Variants in AUTS2 observed in about 807,000 individuals in gnomAD.
AUTS2 encodes the protein autism susceptibility gene 2 protein.
AUTS2 carries 17 observed loss-of-function variants against 112.4 expected under a neutral mutation model. That is an observed-to-expected ratio of 0.15 (90% confidence interval 0.10 to 0.23). The LOEUF is 0.23. AUTS2 is among the 10% of genes least tolerant of loss of function. The pLI, the probability that AUTS2 is intolerant of heterozygous loss-of-function variation, is 1.00. For missense variants in AUTS2, 1,510 were observed against 1,701.6 expected (o/e 0.89, Z 1.98); for synonymous variants, 751 against 702.7 (o/e 1.07, Z -1.09).
chr7:70,203,360 A>AAAG (rs1199877718), intron 4 of AUTS2, among the ~76,000 whole-genome samples: 1 of 148,560 alleles, frequency 6.7e-6, no homozygotes, highest in African/African-American at 2.5e-5. Context: ...AAAAAAAAAA[A>AAAG]AAGAAGTTTA....
intron 6 of AUTS2, among the ~76,000 whole-genome samples, chr7:70,735,775 G>A (rs1787746578): frequency 6.6e-6 from 1 of 152,152 alleles, no homozygotes; most frequent in Non-Finnish European, 1.5e-5. Context: ...AGCATTAACA[G>A]ACAGGCAATG....
At chr7:70,691,434 A>AC (rs941221546) in intron 5 of AUTS2, among the ~76,000 whole-genome samples, 4 of 150,788 alleles carry the variant, frequency 2.7e-5, no homozygotes, top group African/African-American at 9.7e-5. Flanking sequence ...AAAAAAAAAA[A>AC]CAATCTTCCT....
At chr7:70,731,628 A>G (rs1787402270) in intron 6 of AUTS2, among the ~76,000 whole-genome samples, 1 of 151,430 alleles carries the variant, frequency 6.6e-6, no homozygotes, top group African/African-American at 2.4e-5. Flanking sequence ...ACGGGGTTTC[A>G]CCATGTTAGC....
At position 70,790,711 on chromosome 7, in the gene AUTS2, G is replaced by A. The variant is rs964843078; in HGVS notation, c.3495G>A (p.Thr1165=). The change falls in exon 19 of 19, where the codon ACG becomes ACA. Residue 1165 remains threonine (T), a synonymous_variant. Coordinates refer to ENST00000342771, the MANE Select transcript of AUTS2 (RefSeq NM_015570.4). This position sits in a 1 kb window ranked among gnomAD's most constrained non-coding sequence, Gnocchi z 7.6. ...LHMLREDYEH[T]RLHSVHPASL... is the part of the protein sequence containing the mutation. ...TGCTCAGAGAAGACTACGAGCACAC[G>A]CGGCTCCACTCCGTGCACCCCGCCT... The A allele has an allele frequency of 5.1e-5, 82 of 1,613,466 alleles. No individual in the cohort carries two copies. The highest frequency in any genetic ancestry group is 6.7e-5 in the Non-Finnish European group (79 of 1,179,978).
At chr7:70,169,393 A>G (rs2129578501) in intron 4 of AUTS2, among the ~76,000 whole-genome samples, 1 of 152,116 alleles carries the variant, frequency 6.6e-6, no homozygotes, top group East Asian at 1.9e-4. Flanking sequence ...GACACGTGTC[A>G]CCACACCTAG....
intron 2 of AUTS2, among the ~76,000 whole-genome samples, chr7:69,920,955 C>G (rs1043025465): frequency 6.6e-6 from 1 of 152,116 alleles, no homozygotes; most frequent in Admixed American, 6.6e-5. Flanking sequence ...GTGAATGATA[C>G]GTGCTTAATT....
At chr7:70,411,420 A>G (rs1279540226) in intron 4 of AUTS2, among the ~76,000 whole-genome samples, 1 of 152,302 alleles carries the variant, frequency 6.6e-6, no homozygotes, top group Non-Finnish European at 1.5e-5. Flanking sequence ...CACAATTACT[A>G]CTAAATGAGA....
intron 5 of AUTS2, among the ~76,000 whole-genome samples, chr7:70,566,286 T>C (rs2189962): frequency 0.77 from 116,651 of 152,096 alleles, 45,187 homozygotes; most frequent in Middle Eastern, 0.8. Context: ...TTTAAAACAT[T>C]TACATTGTAT....
At chr7:70,446,289 G>T (rs1796315030) in intron 5 of AUTS2, among the ~76,000 whole-genome samples, 1 of 152,180 alleles carries the variant, frequency 6.6e-6, no homozygotes, top group South Asian at 2.1e-4. Context: ...TTATGTATTT[G>T]CCACTAAGGG....
intron 4 of AUTS2, among the ~76,000 whole-genome samples, chr7:70,319,693 C>T: frequency 6.6e-6 from 1 of 152,148 alleles, no homozygotes; most frequent in Non-Finnish European, 1.5e-5. Context: ...CCTCAGGGCT[C>T]AGAACATCCA....
At chr7:70,266,415 A>G (rs1248877193) in intron 4 of AUTS2, among the ~76,000 whole-genome samples, 2 of 152,174 alleles carry the variant, frequency 1.3e-5, no homozygotes, top group African/African-American at 4.8e-5. Flanking sequence ...TTTGGGGGTG[A>G]TGAAATGTTC....
intron 5 of AUTS2, among the ~76,000 whole-genome samples, chr7:70,597,942 T>G (rs796457081): frequency 1.3e-5 from 2 of 152,316 alleles, no homozygotes; most frequent in African/African-American, 4.8e-5. Context: ...ATATTGCAAG[T>G]GGGTTCAGGG....
chr7:70,241,220 A>G (rs1386793581), intron 4 of AUTS2, among the ~76,000 whole-genome samples: 2 of 152,226 alleles, frequency 1.3e-5, no homozygotes, highest in African/African-American at 4.8e-5. Context: ...TGTCATATTC[A>G]TTATGATTTG....
At chr7:70,444,371 TGTGAGA>T (rs1245129709) in intron 5 of AUTS2, among the ~76,000 whole-genome samples, 4 of 141,964 alleles carry the variant, frequency 2.8e-5, no homozygotes, top group Admixed American at 7.0e-5. Context: ...TGTGTGTGTG[TGTGAGA>T]GAGAGAGAGA....
intron 4 of AUTS2, among the ~76,000 whole-genome samples, chr7:70,326,817 G>A (rs1328933869): frequency 6.6e-6 from 1 of 151,948 alleles, no homozygotes. Flanking sequence ...ACATTGGCAT[G>A]CTTGTTGAGG....
At chr7:70,214,255 A>C (rs1475086945) in intron 4 of AUTS2, among the ~76,000 whole-genome samples, 1 of 152,166 alleles carries the variant, frequency 6.6e-6, no homozygotes, top group East Asian at 1.9e-4. Flanking sequence ...TCATGTGACT[A>C]TATTAGTATC....
At chr7:69,997,397 A>G (rs1798995615) in intron 2 of AUTS2, among the ~76,000 whole-genome samples, 1 of 152,218 alleles carries the variant, frequency 6.6e-6, no homozygotes, top group African/African-American at 2.4e-5. Flanking sequence ...GACCATCTCA[A>G]TATGCCTTGG....
At chr7:69,886,870 G>A (rs1038518359) in intron 1 of AUTS2, among the ~76,000 whole-genome samples, 1 of 150,732 alleles carries the variant, frequency 6.6e-6, no homozygotes, top group African/African-American at 2.4e-5. Context: ...CTCACTGCAG[G>A]CTCAGTCAGT....
chr7:70,705,627 C>A (rs1451851328), intron 6 of AUTS2, among the ~76,000 whole-genome samples: 1 of 152,094 alleles, frequency 6.6e-6, no homozygotes, highest in Non-Finnish European at 1.5e-5. Context: ...TCTCTTTTTT[C>A]CCCCTTCGCC....
Sources: allele counts gnomAD v4.1 joint callset (sites outside exome capture counted in the v4.1 genomes callset), GRCh38; gene constraint gnomAD v4.1.1; non-coding constraint Gnocchi (gnomAD v3.1); transcripts MANE v1.5; gene names NCBI Gene and HGNC (gene_info 2026-07-23, HGNC 2026-07-21).